Variants in DNAJB12 observed in about 807,000 individuals in gnomAD.
The protein encoded by DNAJB12 is dnaJ homolog subfamily B member 12.
Under a neutral mutation model 40.6 loss-of-function variants are expected in DNAJB12, and 14 were observed. The observed-to-expected ratio is 0.34, with a 90% CI of 0.23 to 0.54. The LOEUF (loss-of-function observed/expected upper bound fraction) is 0.54. Ranked by LOEUF, DNAJB12 falls within the 20% of genes least tolerant of loss-of-function variation. The pLI, the probability that DNAJB12 is intolerant of heterozygous loss-of-function variation, is 0.92. For missense variants in DNAJB12, 444 were observed against 501.7 expected (o/e 0.89, Z 1.10); for synonymous variants, 181 against 199.5 (o/e 0.91, Z 0.78).
At chr10:72,345,269 G>T in intron 1 of DNAJB12, 142 bp from the exon 2 acceptor site, 1 of 931,026 alleles carries the variant, frequency 1.1e-6, no homozygotes, top group Non-Finnish European at 1.6e-6. Context: ...GTGCTGGGGG[G>T]ACAGTCATCT....
chr10:72,338,188 A>C lies in DNAJB12; in HGVS notation c.833+14T>G. 2 of 1,610,750 alleles carry C rather than the reference A, an allele frequency of 1.2e-6. No homozygotes were observed. Among genetic ancestry groups the C allele is most frequent in the Non-Finnish European group, 1.7e-6 (2 of 1,177,150 alleles). ...CCTTGTCTGCCCATGGCCCGGCCTC[A>C]CCCATGTACTCACGGTCTTGGACTC... is the stretch of plus-strand genomic sequence containing the variant. On this transcript the variant is annotated intron_variant, in intron 6 of 8. Coordinates refer to ENST00000444643, the MANE Select transcript of DNAJB12 (RefSeq NM_017626.7).
At chr10:72,348,323 GCA>G (rs1162045960) in intron 1 of DNAJB12, among the ~76,000 whole-genome samples, 2 of 152,208 alleles carry the variant, frequency 1.3e-5, no homozygotes, top group East Asian at 3.8e-4. Context: ...TTTATTCCAG[GCA>G]CGAAACCTCA....
intron 1 of DNAJB12, among the ~76,000 whole-genome samples, chr10:72,345,577 A>C (rs1381674064): frequency 7.8e-6 from 1 of 128,040 alleles, no homozygotes; most frequent in African/African-American, 3.9e-5. Context: ...CTCAAAAAAA[A>C]AAAAAAAAAA....
rs561224302 is a variant in DNAJB12 at position 72,341,474 on chromosome 10, GTTTAT to G, written c.458-309_458-305del. On this transcript the variant is annotated intron_variant, in intron 3 of 8. Transcript: ENST00000444643. Reference sequence around the variant, plus strand: ...TGGCCTCATTTACTTCTTTTTGTTTGTTTATTTTATTTTTTGAGGCAGGGCCTCAC... The same window carrying G: ...TGGCCTCATTTACTTCTTTTTGTTTGTTTATTTTTTGAGGCAGGGCCTCAC... Among the ~76,000 whole-genome samples the G allele has an allele frequency of 9.5e-4, 144 of 152,220 alleles. 1 individual carries two copies. The highest frequency in any genetic ancestry group is 1.8e-4 in the Non-Finnish European group (12 of 67,990).
In DNAJB12 at chr10:72,340,869, CT is replaced by C; in HGVS notation, c.644-2del. 6.2e-7 allele frequency: 1 copy of C among 1,613,958 alleles called. No individual in the cohort carries two copies. Among genetic ancestry groups the C allele is most frequent in the Non-Finnish European group, 8.5e-7 (1 of 1,179,922 alleles). On this transcript the variant is annotated splice_acceptor_variant, in intron 4 of 8. Transcript: ENST00000444643. LOFTEE classifies it high-confidence loss of function. ...CCGTTGCTGTAGACGTGGACGTTAC[CT>C]GGGGGTCAGAGGGGCTGAGTCAGGA...
intron 3 of DNAJB12, among the ~76,000 whole-genome samples, chr10:72,341,573 C>T (rs1248990136): frequency 6.6e-6 from 1 of 152,186 alleles, no homozygotes; most frequent in East Asian, 1.9e-4. Flanking sequence ...TTTGCTCAAG[C>T]GATCCTCCCA....
Position 72,344,966 on chromosome 10 carries a change from C to G in DNAJB12, c.295G>C (p.Val99Leu). 6.2e-7 allele frequency: 1 copy of G among 1,614,230 alleles called. No homozygotes were observed. The highest frequency in any genetic ancestry group is 8.5e-7 in the Non-Finnish European group (1 of 1,180,034). ...CCCATCTACCTTTTCACAGCTGCAA[C>G]CTGTTCTGCAGTGTAGCCTTTGGTG... ...ESTKGYTAEQ[V>L]AAVKRVKQCK... The change falls in exon 2 of 9, where the codon GTT becomes CTT. Residue 99 changes from valine to leucine, a missense_variant. Coordinates refer to ENST00000444643, the MANE Select transcript of DNAJB12 (RefSeq NM_017626.7).
At chr10:72,339,210 G>T (rs1220504343) in intron 5 of DNAJB12, among the ~76,000 whole-genome samples, 2 of 140,792 alleles carry the variant, frequency 1.4e-5, no homozygotes, top group Admixed American at 7.4e-5. Flanking sequence ...CTGCACTCTA[G>T]CCAGGGTGAC....
At chr10:72,339,066 C>T (rs552054908) in intron 5 of DNAJB12, among the ~76,000 whole-genome samples, 6 of 150,882 alleles carry the variant, frequency 4.0e-5, no homozygotes, top group African/African-American at 1.5e-4. Flanking sequence ...TTGAGACCAG[C>T]CTGTGCTCAA....
rs919312812 is a variant in DNAJB12, at chr10:72,350,192, G to A, written c.133+4573C>T. On this transcript the variant is annotated intron_variant, in intron 1 of 8. Transcript: ENST00000444643. Reference sequence around the variant, plus strand: ...AGGCAGGAGAATGGATTGAGCTCAGGAGTTCGAGACCAGCCTTGGCAACAC... The same window carrying A: ...AGGCAGGAGAATGGATTGAGCTCAGAAGTTCGAGACCAGCCTTGGCAACAC... 3.9e-5 allele frequency among the ~76,000 whole-genome samples: 6 copies of A among 151,976 alleles called. No homozygotes were observed. The South Asian group carries it at 1.2e-3, about 32-fold the overall frequency.
rs1464047636 is a variant in DNAJB12, at chr10:72,334,509, G to C, written c.*139C>G. ...AGAGAGGGCAGCTGTGCAGCGTTCG[G>C]CCTCCAATTCCATTTTAATTTTGTT... On this transcript the variant is annotated 3_prime_UTR_variant, in exon 9 of 9. Coordinates refer to ENST00000444643, the MANE Select transcript of DNAJB12 (RefSeq NM_017626.7). The C allele has an allele frequency of 5.0e-5, 74 of 1,480,072 alleles. No individual in the cohort carries two copies. The highest frequency in any genetic ancestry group is 6.7e-5 in the Non-Finnish European group (73 of 1,096,284). 91.7% of individuals were successfully genotyped at this position (1,480,072 alleles called of 1,614,324 possible). A position where few individuals can be genotyped will look rare whatever the true frequency, so the allele number is the denominator to read the frequency against.
chr10:72,334,694 C>T, intron 8 of DNAJB12, 77 bp from the exon 9 acceptor site: 1 of 1,482,058 alleles, frequency 6.7e-7, no homozygotes. Flanking sequence ...CACAAGTAGC[C>T]CCCCTTGCCA....
At position 72,336,525 on chromosome 10, in the gene DNAJB12, C is replaced by T; in HGVS notation, c.1005G>A (p.Gln335=). The part of the protein sequence containing the change: ...LRNNCWKEKQ[Q]KEGLLYRARY... ...CCCCCGCCTTCCCCCCACACTCACTCTGCTGCTTCTCCTTCCAGCAGTTGT... is the reference window on the plus strand; with the variant it reads ...CCCCCGCCTTCCCCCCACACTCACTTTGCTGCTTCTCCTTCCAGCAGTTGT... Residue 335 remains glutamine, a splice_region_variant and synonymous_variant, in exon 7 of 9, where the codon CAG becomes CAA. Coordinates refer to ENST00000444643, the MANE Select transcript of DNAJB12 (RefSeq NM_017626.7). 1 of 1,613,522 alleles carries T rather than the reference C, an allele frequency of 6.2e-7. No individual in the cohort carries two copies. Among genetic ancestry groups the T allele is most frequent in the South Asian group, 1.1e-5 (1 of 91,014 alleles).
intron 1 of DNAJB12, among the ~76,000 whole-genome samples, chr10:72,346,750 C>T (rs528613134): frequency 4.8e-4 from 73 of 151,738 alleles, no homozygotes; most frequent in Middle Eastern, 3.4e-3. Context: ...CATGAGCCAC[C>T]GTGCCTTGCT....
chr10:72,350,032 G>C (rs1335853871), intron 1 of DNAJB12, among the ~76,000 whole-genome samples: 1 of 152,118 alleles, frequency 6.6e-6, no homozygotes, highest in South Asian at 2.1e-4. Flanking sequence ...CGATAGAAGA[G>C]AACAGAGCTG....
intron 1 of DNAJB12, among the ~76,000 whole-genome samples, chr10:72,346,256 C>T (rs776366614): frequency 3.3e-5 from 5 of 150,962 alleles, no homozygotes; most frequent in Admixed American, 6.6e-5. Context: ...CTCTACCTCC[C>T]AGGTTCAAGT....
intron 1 of DNAJB12, 48 bp from the exon 2 acceptor site, chr10:72,345,175 C>T (rs377264313): frequency 6.5e-5 from 101 of 1,549,800 alleles, no homozygotes; most frequent in Non-Finnish European, 8.3e-5. Context: ...AAGCAGGCTG[C>T]GTGCCTCGCC....
chr10:72,337,477 C>T (rs117977752), intron 6 of DNAJB12, among the ~76,000 whole-genome samples: 4,818 of 152,310 alleles, frequency 0.032, 103 homozygotes, highest in South Asian at 0.091. Flanking sequence ...GGGAGCTGAC[C>T]CCCTAACGGC....
chr10:72,351,787 G>A (rs776026781), intron 1 of DNAJB12, among the ~76,000 whole-genome samples: 3 of 152,202 alleles, frequency 2.0e-5, no homozygotes, highest in Non-Finnish European at 4.4e-5. Context: ...GGGAACAGAC[G>A]ATACCACACT....
Sources: allele counts gnomAD v4.1 joint callset (sites outside exome capture counted in the v4.1 genomes callset), GRCh38; gene constraint gnomAD v4.1.1; transcripts MANE v1.5; gene names NCBI Gene and HGNC (gene_info 2026-07-23, HGNC 2026-07-21).